The following SLC27A4 variants were observed in gnomAD, a reference collection of about 807,000 sequenced individuals.
SLC27A4 encodes long-chain fatty acid transport protein 4.
In SLC27A4, 33 loss-of-function variants were observed where a neutral mutation model predicts 64.4. The ratio of observed to expected loss-of-function variants is 0.51; its 90% confidence interval spans 0.39 to 0.68. The LOEUF is 0.68. Among genes scored for constraint, SLC27A4 ranks in the 30% least tolerant of loss-of-function variants. The probability of loss-of-function intolerance (pLI) is 0.00; values close to 1 mark genes in which losing one functional copy is unlikely to be tolerated. For missense variants in SLC27A4, 824 were observed against 883.5 expected, an observed-to-expected ratio of 0.93 and a Z score of 0.85; for synonymous variants, 377 against 370.0, an observed-to-expected ratio of 1.02 and a Z score of -0.22.
chr9:128,350,439 T>C (rs1489687477), intron 5 of SLC27A4, 45 bp from the exon 6 acceptor site: 1 of 1,612,428 alleles, frequency 6.2e-7, no homozygotes, highest in East Asian at 2.2e-5. Context: ...AGCCTCCTTC[T>C]GCCTTTCTAG....
Position 128,355,542 on chromosome 9 carries a change from TGTATGGTGTC to T in SLC27A4, c.1609_1618del (p.Tyr537ArgfsTer72), listed in dbSNP as rs1228311616. 6.2e-6 allele frequency: 10 copies of T among 1,611,640 alleles called. No individual in the cohort carries two copies. The highest frequency in any genetic ancestry group is 8.5e-6 in the Non-Finnish European group (10 of 1,179,990). ...CTGCTGGACATGGCTGACGTGGCCG[TGTATGGTGTC>T]GAGGTGCCAGGTATGTGCAGGCAGG... On this transcript the variant is annotated frameshift_variant, in exon 11 of 13. Transcript: ENST00000300456. LOFTEE classifies it high-confidence loss of function.
chr9:128,353,974 A>G lies in SLC27A4; in HGVS notation c.1324+433A>G, dbSNP rs1028374004. Reference sequence around the variant, plus strand: ...TAGCCGGGATGGTCTCGATCTCCTGACCTCGTGATCCGCCCGCCTCGGCCT... The same window carrying G: ...TAGCCGGGATGGTCTCGATCTCCTGGCCTCGTGATCCGCCCGCCTCGGCCT... On this transcript the variant is annotated intron_variant, in intron 9 of 12. Transcript: ENST00000300456. The surrounding 1 kb of genome is among the most constrained non-coding windows in gnomAD (Gnocchi z 4.9). Among the ~76,000 whole-genome samples, 1 of 150,580 alleles carries G rather than the reference A, an allele frequency of 6.6e-6. No homozygotes were observed. Among genetic ancestry groups the G allele is most frequent in the South Asian group, 2.1e-4 (1 of 4,756 alleles).
At position 128,360,640 on chromosome 9, in the gene SLC27A4, GACTC is replaced by G; in HGVS notation, c.*151_*154del. The G allele has an allele frequency of 1.3e-6, 1 of 763,354 alleles. No homozygotes were observed. Among genetic ancestry groups the G allele is most frequent in the South Asian group, 1.7e-5 (1 of 59,994 alleles). The allele number at this position is 763,354 out of a possible 1,614,324, so 47.3% of individuals were successfully genotyped here. A position where few individuals can be genotyped will look rare whatever the true frequency, so the allele number is the denominator to read the frequency against. ...GCCCCTCCATCCAAAACTGCCAAGTGACTCATTGCCTTCCCAACCCTTCCAGAGG... is the reference window on the plus strand; with the variant it reads ...GCCCCTCCATCCAAAACTGCCAAGTGATTGCCTTCCCAACCCTTCCAGAGG... On this transcript the variant is annotated 3_prime_UTR_variant, in exon 13 of 13. Transcript: ENST00000300456.
rs114110812 is a variant in SLC27A4 at position 128,344,914 on chromosome 9, C to T, written c.162-241C>T. ...CATCCATGAAGCTTTGAGCAGGCCACGGCACCACGAGAGCCTTGATTTCCT... is the reference window on the plus strand; with the variant it reads ...CATCCATGAAGCTTTGAGCAGGCCATGGCACCACGAGAGCCTTGATTTCCT... On this transcript the variant is annotated intron_variant, in intron 2 of 12. Coordinates refer to ENST00000300456, the MANE Select transcript of SLC27A4 (RefSeq NM_005094.4). 4.0e-3 allele frequency among the ~76,000 whole-genome samples: 613 copies of T among 152,180 alleles called. 3 individuals carry two copies. Among genetic ancestry groups the T allele is most frequent in the African/African-American group, 0.014 (565 of 41,504 alleles).
chr9:128,347,227 A>T (rs374989486), intron 3 of SLC27A4, among the ~76,000 whole-genome samples: 38 of 152,326 alleles, frequency 2.5e-4, no homozygotes, highest in African/African-American at 8.9e-4. Context: ...GAGCAGCTCT[A>T]ATCTCTATAA....
intron 3 of SLC27A4, among the ~76,000 whole-genome samples, chr9:128,348,176 G>T (rs1328261788): frequency 6.6e-6 from 1 of 152,144 alleles, no homozygotes; most frequent in Non-Finnish European, 1.5e-5. Context: ...GATAGTGGGG[G>T]GGAGCCCAGA....
chr9:128,355,889 A>G (rs567707809), intron 12 of SLC27A4, 93 bp downstream of exon 12: 4 of 1,554,850 alleles, frequency 2.6e-6, no homozygotes, highest in South Asian at 2.2e-5. Flanking sequence ...ACCTCTGCAC[A>G]CAGCCTGGCC....
rs1832805631 is a variant in SLC27A4, at chr9:128,355,523, G to C, written c.1588G>C (p.Asp530His). 6.2e-7 allele frequency: 1 copy of C among 1,612,806 alleles called. No individual in the cohort carries two copies. The highest frequency in any genetic ancestry group is 8.5e-7 in the Non-Finnish European group (1 of 1,180,036). The change falls in exon 11 of 13, where the codon GAC becomes CAC. Residue 530 changes from aspartate to histidine, a missense_variant. By Grantham distance (81) the Asp-to-His change is moderately conservative. Coordinates refer to ENST00000300456, the MANE Select transcript of SLC27A4 (RefSeq NM_005094.4). Reference protein sequence around the residue: ...EVEGTLSRLLDMADVAVYGVE... With the variant: ...EVEGTLSRLLHMADVAVYGVE... The stretch of plus-strand genomic sequence containing the variant: ...GGAAGGCACACTCAGCCGCCTGCTG[G>C]ACATGGCTGACGTGGCCGTGTATGG...
chr9:128,356,628 AC>A (rs1002218318), intron 12 of SLC27A4, among the ~76,000 whole-genome samples: 4 of 152,062 alleles, frequency 2.6e-5, no homozygotes, highest in Admixed American at 6.6e-5. Flanking sequence ...ACATGGCAAA[AC>A]CCCGTCTCCA....
At position 128,348,680 on chromosome 9, in the gene SLC27A4, G is replaced by A; in HGVS notation, c.692G>A (p.Ser231Asn). 6.2e-7 allele frequency: 1 copy of A among 1,614,052 alleles called. No homozygotes were observed. The highest frequency in any genetic ancestry group is 8.5e-7 in the Non-Finnish European group (1 of 1,180,036). The change falls in exon 4 of 13, where the codon AGT becomes AAT. Residue 231 changes from serine (S) to asparagine (N), a missense_variant. Transcript: ENST00000300456. ...LLKDAPKHLP[S>N]CPDKGFTDKL... The stretch of plus-strand genomic sequence containing the variant: ...AAAGATGCTCCCAAGCACCTTCCCA[G>A]TTGCCCTGACAAGGGCTTCACAGGT...
chr9:128,351,350 C>T (rs1043613619), intron 6 of SLC27A4, among the ~76,000 whole-genome samples: 4 of 151,334 alleles, frequency 2.6e-5, no homozygotes, highest in African/African-American at 9.7e-5. Context: ...TTGCTTGAAC[C>T]TGGGAGGCAA....
At position 128,360,857 on chromosome 9, in the gene SLC27A4, A is replaced by C; in HGVS notation, c.*366A>C. The C allele has an allele frequency of 3.3e-6, 1 of 302,642 alleles. No homozygotes were observed. The allele number at this position is 302,642 out of a possible 1,614,324, so 18.7% of individuals were successfully genotyped here. On this transcript the variant is annotated 3_prime_UTR_variant, in exon 13 of 13. Transcript: ENST00000300456. ...ATGGAACCAGAGCAGAAGTCCCCAG[A>C]CTCAGGAAGTCAACAGAGTGGGCAG...
chr9:128,354,805 T>A (rs145966060), intron 9 of SLC27A4, among the ~76,000 whole-genome samples: 1 of 151,306 alleles, frequency 6.6e-6, no homozygotes, highest in Non-Finnish European at 1.5e-5. Context: ...AAAAAAAAAT[T>A]AGCTGGGCCT....
chr9:128,350,405 G>T (rs932220395), intron 5 of SLC27A4, 24 bp downstream of exon 5: 4 of 1,613,376 alleles, frequency 2.5e-6, no homozygotes, highest in Non-Finnish European at 3.4e-6. Flanking sequence ...GCCCAGGGTG[G>T]GGTAGGCACA....
At chr9:128,359,855 A>G (rs1228852955) in intron 12 of SLC27A4, among the ~76,000 whole-genome samples, 2 of 152,200 alleles carry the variant, frequency 1.3e-5, no homozygotes, top group African/African-American at 4.8e-5. Context: ...GTAAGAAAAT[A>G]TGTGCTGCTA....
chr9:128,360,960 C>G lies in SLC27A4; in HGVS notation c.*469C>G. The G allele has an allele frequency of 2.0e-5, 4 of 197,248 alleles. No individual in the cohort carries two copies. The highest frequency in any genetic ancestry group is 1.1e-4 in the Admixed American group (2 of 18,814). 12.2% of individuals were successfully genotyped at this position (197,248 alleles called of 1,614,324 possible). Reference sequence around the variant, plus strand: ...GCCCAAGTTCACTGGGCTCCACCCCCACCTCCAGGAGGGGAGGAGAGGACC... The same window carrying G: ...GCCCAAGTTCACTGGGCTCCACCCCGACCTCCAGGAGGGGAGGAGAGGACC... On this transcript the variant is annotated 3_prime_UTR_variant, in exon 13 of 13. Coordinates refer to ENST00000300456, the MANE Select transcript of SLC27A4 (RefSeq NM_005094.4).
At position 128,355,136 on chromosome 9, in the gene SLC27A4, A is replaced by T; in HGVS notation, c.1408A>T (p.Asn470Tyr). The change falls in exon 10 of 13, where the codon AAC becomes TAC. Residue 470 changes from asparagine to tyrosine, a missense_variant. Coordinates refer to ENST00000300456, the MANE Select transcript of SLC27A4 (RefSeq NM_005094.4). ...FDGYLNQGANNKKIAKDVFKK... is the reference protein window; with the variant it reads ...FDGYLNQGANYKKIAKDVFKK... Reference sequence around the variant, plus strand: ...TGGCTACCTCAACCAGGGCGCCAACAACAAGAAGATTGCCAAGGATGTCTT... The same window carrying T: ...TGGCTACCTCAACCAGGGCGCCAACTACAAGAAGATTGCCAAGGATGTCTT... The T allele has an allele frequency of 6.2e-7, 1 of 1,613,676 alleles. No individual in the cohort carries two copies. Among genetic ancestry groups the T allele is most frequent in the South Asian group, 1.1e-5 (1 of 91,068 alleles).
chr9:128,343,311 C>T lies in SLC27A4; in HGVS notation c.161+18C>T, dbSNP rs372097193. ...GATATCTTGTGAGTACCTGGCCCAG[C>T]CTTTCCTGGGGTCTGCCACACTACA... On this transcript the variant is annotated intron_variant, in intron 2 of 12. Coordinates refer to ENST00000300456, the MANE Select transcript of SLC27A4 (RefSeq NM_005094.4). The T allele has an allele frequency of 1.2e-6, 2 of 1,614,026 alleles. No individual in the cohort carries two copies. Among genetic ancestry groups the T allele is most frequent in the East Asian group, 4.5e-5 (2 of 44,874 alleles).
At chr9:128,355,860 C>G (rs545982480) in intron 12 of SLC27A4, 64 bp downstream of exon 12, 11 of 1,602,646 alleles carry the variant, frequency 6.9e-6, no homozygotes, top group Admixed American at 1.7e-5. Flanking sequence ...TCTGGAGAGA[C>G]CCGGTTGGCT....
Sources: allele counts gnomAD v4.1 joint callset (sites outside exome capture counted in the v4.1 genomes callset), GRCh38; gene constraint gnomAD v4.1.1; non-coding constraint Gnocchi (gnomAD v3.1); transcripts MANE v1.5; gene names NCBI Gene and HGNC (gene_info 2026-07-23, HGNC 2026-07-21).